FOXJ3: variants seen among roughly 807,000 people sequenced by gnomAD.
FOXJ3 encodes forkhead box J3.
Under a neutral mutation model 76.1 loss-of-function variants are expected in FOXJ3, and 22 were observed. The observed-to-expected ratio is 0.29, with a 90% CI of 0.21 to 0.41. The LOEUF (loss-of-function observed/expected upper bound fraction) is 0.41, where lower values mean the gene tolerates loss of function less well. Ranked by LOEUF, FOXJ3 falls within the 10% of genes least tolerant of loss-of-function variation. The probability of loss-of-function intolerance (pLI) is 1.00; values close to 1 mark genes in which losing one functional copy is unlikely to be tolerated. For synonymous variants in FOXJ3, 269 were observed against 261.2 expected (o/e 1.03, Z -0.29); for missense variants, 613 against 762.1 (o/e 0.80, Z 2.30).
chr1:42,312,962 G>A (rs1429794437), intron 1 of FOXJ3, among the ~76,000 whole-genome samples: 3 of 152,180 alleles, frequency 2.0e-5, no homozygotes, highest in Non-Finnish European at 2.9e-5. Flanking sequence ...GGGGATCAGG[G>A]ACTGTGACAG....
chr1:42,271,176 G>A (rs1019078956), intron 3 of FOXJ3, among the ~76,000 whole-genome samples: 13 of 151,960 alleles, frequency 8.6e-5, no homozygotes, highest in Admixed American at 8.5e-4. Flanking sequence ...TGCCATGAAG[G>A]TATATAAGGT....
chr1:42,324,569 A>G (rs1655717075), intron 1 of FOXJ3, among the ~76,000 whole-genome samples: 1 of 152,036 alleles, frequency 6.6e-6, no homozygotes, highest in African/African-American at 2.4e-5. Context: ...TCATCACTGT[A>G]CAAACGTCAG....
intron 5 of FOXJ3, among the ~76,000 whole-genome samples, chr1:42,211,133 TGAA>T (rs917031275): frequency 3.9e-5 from 6 of 152,174 alleles, no homozygotes; most frequent in Admixed American, 2.0e-4. Flanking sequence ...TGAAGGGTCT[TGAA>T]GAAGATTGGG....
intron 2 of FOXJ3, among the ~76,000 whole-genome samples, chr1:42,302,933 A>T (rs576257787): frequency 6.6e-6 from 1 of 150,736 alleles, no homozygotes; most frequent in African/African-American, 2.5e-5. Context: ...TTTTGCTAAC[A>T]AAAGAGCAAA....
chr1:42,229,567 C>T (rs1647893730), intron 4 of FOXJ3, among the ~76,000 whole-genome samples: 1 of 152,172 alleles, frequency 6.6e-6, no homozygotes, highest in African/African-American at 2.4e-5. Flanking sequence ...TTCATTTCAT[C>T]GCCCAGCTAC....
intron 6 of FOXJ3, among the ~76,000 whole-genome samples, chr1:42,203,859 AG>A (rs1042755154): frequency 9.9e-5 from 15 of 151,880 alleles, no homozygotes; most frequent in Non-Finnish European, 1.8e-4. Flanking sequence ...AGCCAGGCGC[AG>A]TGGTGGGCAC....
In FOXJ3 at chr1:42,323,456, G is replaced by A. The variant is rs114835917; in HGVS notation, c.-18+11603C>T. 2.8e-3 allele frequency among the ~76,000 whole-genome samples: 430 copies of A among 152,186 alleles called. 1 individual carries two copies. The highest frequency in any genetic ancestry group is 0.01 in the African/African-American group (420 of 41,548). ...ATCCTGGAGGATAGTGTGGGGAACA[G>A]CCAAGCTGGGTCTCTATTCCTCTAA... On this transcript the variant is annotated intron_variant, in intron 1 of 12. Transcript: ENST00000361346.
intron 4 of FOXJ3, among the ~76,000 whole-genome samples, chr1:42,264,735 G>A (rs1651337832): frequency 6.6e-6 from 1 of 152,028 alleles, no homozygotes; most frequent in Non-Finnish European, 1.5e-5. Flanking sequence ...CTCAGAAATG[G>A]GCTAATAACA....
intron 2 of FOXJ3, among the ~76,000 whole-genome samples, chr1:42,290,714 G>T (rs370921758): frequency 2.0e-5 from 3 of 151,864 alleles, no homozygotes; most frequent in East Asian, 3.9e-4. Context: ...TTCTTCTTAT[G>T]AAGTACAGCA....
At chr1:42,316,304 G>A (rs1444492642) in intron 1 of FOXJ3, among the ~76,000 whole-genome samples, 1 of 140,032 alleles carries the variant, frequency 7.1e-6, no homozygotes, top group Non-Finnish European at 1.5e-5. Context: ...TAGTACCTGG[G>A]ACCACAGGTG....
intron 1 of FOXJ3, among the ~76,000 whole-genome samples, chr1:42,324,554 C>T (rs961061967): frequency 5.3e-5 from 8 of 151,876 alleles, no homozygotes; most frequent in Non-Finnish European, 4.4e-5. Context: ...TGTCGTTAGG[C>T]GATTTCATCA....
intron 4 of FOXJ3, among the ~76,000 whole-genome samples, chr1:42,238,798 C>T (rs1244178670): frequency 6.6e-6 from 1 of 152,176 alleles, no homozygotes; most frequent in African/African-American, 2.4e-5. Context: ...CTGTCTCAGC[C>T]TCCCAAAGCA....
In FOXJ3 at chr1:42,328,035, G is replaced by A. The variant is rs934594938; in HGVS notation, c.-18+7024C>T. ...ACCCAGGCCAGGCCTGGTGGCTCAC[G>A]CCTGCAATCCCAGCACTTTGGGGGA... On this transcript the variant is annotated intron_variant, in intron 1 of 12. Transcript: ENST00000361346. 2.6e-5 allele frequency among the ~76,000 whole-genome samples: 4 copies of A among 152,264 alleles called. No individual in the cohort carries two copies. The East Asian group carries it at 7.7e-4, about 29-fold the overall frequency.
At chr1:42,214,860 G>A (rs929367418) in intron 5 of FOXJ3, among the ~76,000 whole-genome samples, 3 of 152,198 alleles carry the variant, frequency 2.0e-5, no homozygotes, top group Non-Finnish European at 2.9e-5. Flanking sequence ...GTATAACACA[G>A]CACAAATGTG....
At chr1:42,218,013 G>A (rs1370489270) in intron 5 of FOXJ3, among the ~76,000 whole-genome samples, 1 of 152,034 alleles carries the variant, frequency 6.6e-6, no homozygotes, top group East Asian at 1.9e-4. Flanking sequence ...CATATATATT[G>A]GAGACAACAT....
At chr1:42,322,914 A>G (rs533887256) in intron 1 of FOXJ3, among the ~76,000 whole-genome samples, 9 of 152,180 alleles carry the variant, frequency 5.9e-5, no homozygotes, top group Non-Finnish European at 1.0e-4. Context: ...TCACAACTGG[A>G]GTATTGTATT....
chr1:42,237,437 C>CAT lies in FOXJ3; in HGVS notation c.445-9473_445-9472dup, dbSNP rs1192214665. Among the ~76,000 whole-genome samples, 652 of 137,184 alleles carry CAT rather than the reference C, an allele frequency of 4.8e-3. 4 individuals are homozygous for CAT. The highest frequency in any genetic ancestry group is 0.016 in the African/African-American group (586 of 37,516). 90.0% of individuals were successfully genotyped at this position (137,184 alleles called of 152,430 possible). A position where few individuals can be genotyped will look rare whatever the true frequency, so the allele number is the denominator to read the frequency against. ...ATATATATATATATATACATACATA[C>CAT]ATATATATATATACACATACATACA... On this transcript the variant is annotated intron_variant, in intron 4 of 12. Coordinates refer to ENST00000361346, the MANE Select transcript of FOXJ3 (RefSeq NM_014947.5).
chr1:42,244,908 G>A (rs915271728), intron 4 of FOXJ3, among the ~76,000 whole-genome samples: 26 of 152,196 alleles, frequency 1.7e-4, no homozygotes, highest in Admixed American at 7.9e-4. Context: ...TTGGCCAGGC[G>A]CGGTGGCTCA....
intron 12 of FOXJ3, 117 bp downstream of exon 12, chr1:42,181,800 T>C: frequency 1.6e-6 from 1 of 621,462 alleles, no homozygotes; most frequent in Admixed American, 3.2e-5. Flanking sequence ...TATTAAACTC[T>C]GGGTAATAAC....
Sources: allele counts gnomAD v4.1 joint callset (sites outside exome capture counted in the v4.1 genomes callset), GRCh38; gene constraint gnomAD v4.1.1; transcripts MANE v1.5; gene names NCBI Gene and HGNC (gene_info 2026-07-23, HGNC 2026-07-21).